Variants in TEX11 observed in about 807,000 individuals in gnomAD.
The protein encoded by TEX11 is testis-expressed protein 11.
In TEX11, 7 loss-of-function variants were observed where a neutral mutation model predicts 84.4. That is an observed-to-expected ratio of 0.08 (90% confidence interval 0.05 to 0.16). TEX11 has a LOEUF of 0.16. Ranked by LOEUF, TEX11 falls within the 10% of genes least tolerant of loss-of-function variation. The pLI is 1.00. For missense variants in TEX11, 551 were observed against 660.5 expected (o/e 0.83, Z 1.82); for synonymous variants, 264 against 222.8 (o/e 1.18, Z -1.64).
intron 9 of TEX11, among the ~76,000 whole-genome samples, chrX:70,751,540 G>A (rs1050051512): frequency 3.8e-5 from 4 of 105,726 alleles, no homozygotes; most frequent in East Asian, 6.1e-4. Flanking sequence ...GTTAAATGAC[G>A]AGTTACTGTG....
At chrX:70,653,294 T>C (rs942090152) in intron 16 of TEX11, among the ~76,000 whole-genome samples, 4 of 111,898 alleles carry the variant, frequency 3.6e-5, no homozygotes, top group African/African-American at 1.3e-4. Context: ...ACATATGTAA[T>C]GAAGGACTGG....
At chrX:70,902,183 A>G (rs754797280) in intron 2 of TEX11, among the ~76,000 whole-genome samples, 2 of 112,107 alleles carry the variant, frequency 1.8e-5, no homozygotes, top group Non-Finnish European at 3.8e-5. Flanking sequence ...CCCAGGAGGT[A>G]GAAGCTGTGG....
At chrX:70,748,811 T>G (rs1467065139) in intron 9 of TEX11, among the ~76,000 whole-genome samples, 2 of 94,061 alleles carry the variant, frequency 2.1e-5, no homozygotes, top group Admixed American at 1.2e-4. Context: ...CCATGCTGTT[T>G]TGGTTACTGT....
In TEX11 at chrX:70,593,056, AACACACACAC is replaced by A. The variant is rs56116828; in HGVS notation, c.2068-1243_2068-1234del. On this transcript the variant is annotated intron_variant, in intron 24 of 29. Transcript: ENST00000374333. ...GGCAATTTATGCACAAGAGCATTTT[AACACACACAC>A]ACACACACACACACACACACACACA... is the stretch of plus-strand genomic sequence containing the variant. Among the ~76,000 whole-genome samples, 438 of 95,972 alleles carry A rather than the reference AACACACACAC, an allele frequency of 4.6e-3. 3 individuals carry two copies. Among genetic ancestry groups the A allele is most frequent in the African/African-American group, 0.014 (384 of 26,562 alleles). The allele number at this position is 95,972 out of a possible 115,157, so 83.3% of individuals were successfully genotyped here. A position where few individuals can be genotyped will look rare whatever the true frequency, so the allele number is the denominator to read the frequency against.
intron 25 of TEX11, among the ~76,000 whole-genome samples, chrX:70,560,568 C>A (rs2088354749): frequency 8.9e-6 from 1 of 111,796 alleles, no homozygotes; most frequent in African/African-American, 3.3e-5. Flanking sequence ...TTCTTCCTAT[C>A]TGTGGCTTGT....
intron 7 of TEX11, among the ~76,000 whole-genome samples, chrX:70,842,633 G>A (rs914418246): frequency 8.1e-5 from 9 of 111,589 alleles, no homozygotes; most frequent in African/African-American, 2.6e-4. Context: ...GCTGGCCAAG[G>A]CAATTAGGCA....
intron 15 of TEX11, among the ~76,000 whole-genome samples, chrX:70,672,099 C>T (rs1415193299): frequency 9.2e-6 from 1 of 108,898 alleles, no homozygotes; most frequent in Non-Finnish European, 1.9e-5. Context: ...ACAATGGAAT[C>T]ATCTAATATG....
intron 11 of TEX11, among the ~76,000 whole-genome samples, chrX:70,732,135 G>C (rs1217131088): frequency 9.0e-6 from 1 of 111,369 alleles, no homozygotes; most frequent in Non-Finnish European, 1.9e-5. Flanking sequence ...AATAAATTAG[G>C]TATTGATGGG....
intron 24 of TEX11, among the ~76,000 whole-genome samples, chrX:70,599,450 G>A (rs1328357930): frequency 8.9e-6 from 1 of 112,101 alleles, no homozygotes; most frequent in Non-Finnish European, 1.9e-5. Context: ...TACTTATTTG[G>A]AAATATTCCC....
intron 20 of TEX11, among the ~76,000 whole-genome samples, chrX:70,611,372 G>A (rs768749825): frequency 1.2e-4 from 13 of 111,791 alleles, no homozygotes; most frequent in Non-Finnish European, 2.3e-4. Flanking sequence ...TTCAAAAGTG[G>A]AAACTACCAT....
At chrX:70,718,665 A>G (rs957416466) in intron 13 of TEX11, among the ~76,000 whole-genome samples, 1 of 111,746 alleles carries the variant, frequency 8.9e-6, no homozygotes, top group Non-Finnish European at 1.9e-5. Context: ...GCTGCACTAC[A>G]TCCCGAAACT....
In TEX11 at chrX:70,858,967, C is replaced by T. The variant is rs187391711; in HGVS notation, c.324+1890G>A. 6.8e-3 allele frequency among the ~76,000 whole-genome samples: 749 copies of T among 109,805 alleles called. 2 individuals carry two copies. Among genetic ancestry groups the T allele is most frequent in the East Asian group, 0.014 (47 of 3,466 alleles). ...GCAGGAGAATCACTTGAACCCAGGA[C>T]GCAGGGGTTACAGTGAGCTGAGATC... On this transcript the variant is annotated intron_variant, in intron 5 of 29. Transcript: ENST00000374333.
chrX:70,511,752 CAAAA>C, the TEX11 span, among the ~76,000 whole-genome samples: 9 of 32,734 alleles, frequency 2.7e-4, no homozygotes, highest in Non-Finnish European at 5.3e-4. Flanking sequence ...GACTCCATCT[CAAAA>C]AAAAAAAAAA....
At chrX:70,749,804 T>C (rs1412440418) in intron 9 of TEX11, among the ~76,000 whole-genome samples, 1 of 109,089 alleles carries the variant, frequency 9.2e-6, no homozygotes. Flanking sequence ...CTTTTTGATG[T>C]GCTGCTGGAT....
intron 11 of TEX11, among the ~76,000 whole-genome samples, chrX:70,731,176 C>T (rs1333904730): frequency 3.6e-5 from 4 of 111,832 alleles, no homozygotes; most frequent in East Asian, 2.8e-4. Flanking sequence ...AAATTTATAG[C>T]ACTAAATGCC....
intron 20 of TEX11, among the ~76,000 whole-genome samples, chrX:70,620,844 A>T (rs188583985): frequency 1.6e-4 from 18 of 112,345 alleles, no homozygotes; most frequent in Non-Finnish European, 2.8e-4. Context: ...TGAAAAGGCT[A>T]CATATTGTAT....
intron 13 of TEX11, among the ~76,000 whole-genome samples, chrX:70,710,101 AT>A (rs1349033430): frequency 9.1e-6 from 1 of 109,702 alleles, no homozygotes; most frequent in East Asian, 2.9e-4. Flanking sequence ...ACAGTAACTG[AT>A]TAAGCTTACC....
chrX:70,680,182 C>T (rs1360842495), intron 14 of TEX11, among the ~76,000 whole-genome samples: 1 of 85,239 alleles, frequency 1.2e-5, no homozygotes, highest in African/African-American at 4.4e-5. Context: ...GGATGGTTGC[C>T]GTGTCTGTGT....
chrX:70,876,396 G>T (rs773871466), intron 3 of TEX11, among the ~76,000 whole-genome samples: 1 of 111,353 alleles, frequency 9.0e-6, no homozygotes, highest in Non-Finnish European at 1.9e-5. Flanking sequence ...CTCATATTGT[G>T]TTAGAAAGGA....
Sources: allele counts gnomAD v4.1 joint callset (sites outside exome capture counted in the v4.1 genomes callset), GRCh38; gene constraint gnomAD v4.1.1; transcripts MANE v1.5; gene names NCBI Gene and HGNC (gene_info 2026-07-23, HGNC 2026-07-21).